EPHB1: variants seen among roughly 807,000 people sequenced by gnomAD.
EPHB1 encodes the protein ephrin type-B receptor 1.
EPHB1 carries 30 observed loss-of-function variants against 94.4 expected under a neutral mutation model. That is an observed-to-expected ratio of 0.32 (90% CI 0.24 to 0.43). The LOEUF is 0.43. Among genes scored for constraint, EPHB1 ranks in the 20% least tolerant of loss-of-function variants. EPHB1 has a pLI of 1.00. For missense variants in EPHB1, 1,055 were observed against 1,308.3 expected (o/e 0.81, Z 2.99); for synonymous variants, 522 against 489.1 (o/e 1.07, Z -0.89).
intron 1 of EPHB1, among the ~76,000 whole-genome samples, chr3:134,832,062 T>C (rs1455980079): frequency 6.6e-6 from 1 of 152,208 alleles, no homozygotes; most frequent in Admixed American, 6.5e-5. Flanking sequence ...AAGTAAGCAA[T>C]AGATACTTTT....
At chr3:135,163,895 A>T (rs1158219504) in intron 7 of EPHB1, among the ~76,000 whole-genome samples, 1 of 152,154 alleles carries the variant, frequency 6.6e-6, no homozygotes, top group Non-Finnish European at 1.5e-5. Context: ...GAGCGAAGGT[A>T]GTCAGAAGGT....
At position 134,976,500 on chromosome 3, in the gene EPHB1, C is replaced by T. The variant is rs892376020; in HGVS notation, c.805+24448C>T. Among the ~76,000 whole-genome samples the T allele has an allele frequency of 3.3e-5, 5 of 152,290 alleles. No individual in the cohort carries two copies. The South Asian group carries it at 8.3e-4, about 25-fold the overall frequency. On this transcript the variant is annotated intron_variant, in intron 3 of 15. Transcript: ENST00000398015. ...TCATCAAAGATAAATCTAATTTTGTCGCAGGACAGTTTGTCTTGTTTGGTT... is the reference window on the plus strand; with the variant it reads ...TCATCAAAGATAAATCTAATTTTGTTGCAGGACAGTTTGTCTTGTTTGGTT...
At chr3:135,069,167 A>T (rs1394259707) in intron 3 of EPHB1, among the ~76,000 whole-genome samples, 1 of 151,576 alleles carries the variant, frequency 6.6e-6, no homozygotes, top group Non-Finnish European at 1.5e-5. Flanking sequence ...TATGATTTTT[A>T]AATTTTTTTT....
chr3:134,909,110 G>GGGC (rs1491227213), intron 1 of EPHB1, among the ~76,000 whole-genome samples: 38 of 103,306 alleles, frequency 3.7e-4, no homozygotes, highest in African/African-American at 1.2e-3. Flanking sequence ...CACACAAGGT[G>GGGC]GGGGCGGGGG....
At chr3:134,814,890 G>A (rs1293449514) in intron 1 of EPHB1, among the ~76,000 whole-genome samples, 2 of 152,204 alleles carry the variant, frequency 1.3e-5, no homozygotes, top group East Asian at 1.9e-4. Flanking sequence ...CAGGGCTTGG[G>A]TTCCCATGGG....
intron 3 of EPHB1, among the ~76,000 whole-genome samples, chr3:134,960,203 C>A (rs1399205151): frequency 6.6e-6 from 1 of 151,860 alleles, no homozygotes; most frequent in East Asian, 1.9e-4. Context: ...CTCAGGTCTC[C>A]CTCAGTGCAG....
chr3:134,975,511 A>G (rs1448391381), intron 3 of EPHB1, among the ~76,000 whole-genome samples: 4 of 152,178 alleles, frequency 2.6e-5, no homozygotes, highest in Non-Finnish European at 5.9e-5. Flanking sequence ...GGCATCAGAG[A>G]CAGCCTCCCA....
intron 11 of EPHB1, among the ~76,000 whole-genome samples, chr3:135,197,337 T>C (rs989658832): frequency 5.3e-5 from 8 of 152,190 alleles, no homozygotes; most frequent in Non-Finnish European, 1.0e-4. Flanking sequence ...AGCTCATTCA[T>C]GGGCTGCAGC....
intron 10 of EPHB1, among the ~76,000 whole-genome samples, chr3:135,186,627 G>A (rs529142757): frequency 1.3e-5 from 2 of 152,306 alleles, no homozygotes; most frequent in East Asian, 1.9e-4. Flanking sequence ...GATTTGAGCT[G>A]TGCATAACCA....
chr3:135,241,415 C>G (rs1943780383), intron 13 of EPHB1, 118 bp downstream of exon 13: 9 of 1,308,268 alleles, frequency 6.9e-6, no homozygotes, highest in Non-Finnish European at 9.7e-6. Context: ...CTGCAGTGTT[C>G]AGGGTAGGGG....
chr3:135,167,103 C>A (rs551373250), intron 9 of EPHB1, 97 bp downstream of exon 9: 2 of 1,409,986 alleles, frequency 1.4e-6, no homozygotes, highest in East Asian at 2.3e-5. Flanking sequence ...ACTGGCTGGT[C>A]CCAGTGGCAA....
intron 3 of EPHB1, among the ~76,000 whole-genome samples, chr3:135,053,027 G>GTGTATATATA (rs1256844091): frequency 1.8e-5 from 2 of 110,474 alleles, no homozygotes; most frequent in African/African-American, 4.2e-5. Context: ...GTGTGTGTGT[G>GTGTATATATA]TATATATATA....
intron 12 of EPHB1, among the ~76,000 whole-genome samples, chr3:135,226,751 G>T (rs1038462607): frequency 1.3e-5 from 2 of 151,510 alleles, no homozygotes; most frequent in African/African-American, 2.4e-5. Context: ...TCTGAAGAAA[G>T]AAATCTCTAG....
chr3:135,040,935 A>G (rs1038026620), intron 3 of EPHB1, among the ~76,000 whole-genome samples: 1 of 152,174 alleles, frequency 6.6e-6, no homozygotes, highest in Non-Finnish European at 1.5e-5. Context: ...CCACATCGGA[A>G]TTTTATGGGG....
At chr3:135,041,753 C>T (rs1936851270) in intron 3 of EPHB1, among the ~76,000 whole-genome samples, 1 of 152,204 alleles carries the variant, frequency 6.6e-6, no homozygotes, top group African/African-American at 2.4e-5. Flanking sequence ...TTATAATAAA[C>T]AAAAATTTGT....
intron 3 of EPHB1, among the ~76,000 whole-genome samples, chr3:135,032,977 A>G (rs1453716929): frequency 6.6e-6 from 1 of 152,164 alleles, no homozygotes; most frequent in Non-Finnish European, 1.5e-5. Context: ...GGTAGTTTAC[A>G]CCTTTTCTCT....
intron 1 of EPHB1, among the ~76,000 whole-genome samples, chr3:134,864,491 C>T (rs2037331664): frequency 6.6e-6 from 1 of 152,172 alleles, no homozygotes; most frequent in Non-Finnish European, 1.5e-5. Flanking sequence ...TGACAATCCT[C>T]TCTCATTCTG....
chr3:134,966,453 C>G (rs1031459739), intron 3 of EPHB1, among the ~76,000 whole-genome samples: 3 of 152,222 alleles, frequency 2.0e-5, no homozygotes, highest in African/African-American at 7.2e-5. Context: ...TGTGAACTCC[C>G]TCTGCAAGCC....
intron 13 of EPHB1, among the ~76,000 whole-genome samples, chr3:135,247,005 T>C (rs1252445099): frequency 1.3e-5 from 2 of 152,172 alleles, no homozygotes; most frequent in Admixed American, 6.5e-5. Flanking sequence ...GAATAATCAG[T>C]TGAAATGAAT....
Sources: allele counts gnomAD v4.1 joint callset (sites outside exome capture counted in the v4.1 genomes callset), GRCh38; gene constraint gnomAD v4.1.1; transcripts MANE v1.5; gene names NCBI Gene and HGNC (gene_info 2026-07-23, HGNC 2026-07-21).